SP4: variants seen among roughly 807,000 people sequenced by gnomAD.
SP4 encodes transcription factor Sp4.
Under a neutral mutation model 72.8 loss-of-function variants are expected in SP4, and 19 were observed. The observed-to-expected ratio is 0.26, with a 90% CI of 0.18 to 0.38. SP4 has a LOEUF of 0.38. Among genes scored for constraint, SP4 ranks in the 10% least tolerant of loss-of-function variants. SP4 has a pLI of 1.00. For missense variants in SP4, 1,008 were observed against 926.3 expected (o/e 1.09, Z -1.14); for synonymous variants, 395 against 333.1 (o/e 1.19, Z -2.02).
intron 3 of SP4, among the ~76,000 whole-genome samples, chr7:21,435,863 A>C (rs1169469280): frequency 6.6e-6 from 1 of 150,854 alleles, no homozygotes; most frequent in African/African-American, 2.4e-5. Flanking sequence ...TTTTTTTTTA[A>C]GAAGGACTTC....
chr7:21,440,782 G>A (rs1206064260), intron 3 of SP4, among the ~76,000 whole-genome samples: 2 of 152,096 alleles, frequency 1.3e-5, no homozygotes, highest in Non-Finnish European at 2.9e-5. Context: ...CCTGAAAGTC[G>A]AAGGTTGCAG....
chr7:21,445,061 T>C (rs1404593646), intron 3 of SP4, among the ~76,000 whole-genome samples: 1 of 152,160 alleles, frequency 6.6e-6, no homozygotes, highest in Non-Finnish European at 1.5e-5. Context: ...AGGCTAGTAA[T>C]AACATCTCCC....
chr7:21,495,317 T>C (rs1255870008), intron 5 of SP4, among the ~76,000 whole-genome samples: 1 of 152,094 alleles, frequency 6.6e-6, no homozygotes, highest in Non-Finnish European at 1.5e-5. Flanking sequence ...AGATACAGAC[T>C]GGGAGAAAGT....
intron 3 of SP4, among the ~76,000 whole-genome samples, chr7:21,450,540 A>G (rs1783557006): frequency 1.3e-5 from 2 of 152,314 alleles, no homozygotes; most frequent in Middle Eastern, 3.4e-3. Flanking sequence ...TGGCTTAAAA[A>G]TGGTCCTCCA....
intron 5 of SP4, among the ~76,000 whole-genome samples, chr7:21,490,528 C>T (rs887566284): frequency 2.6e-5 from 4 of 152,162 alleles, no homozygotes; most frequent in Non-Finnish European, 4.4e-5. Context: ...TGGTCCCAGT[C>T]GTGGTGTAAG....
Position 21,457,813 on chromosome 7 carries a change from G to T in SP4, c.1679-19266G>T, listed in dbSNP as rs79353368. 1.5e-3 allele frequency among the ~76,000 whole-genome samples: 223 copies of T among 152,146 alleles called. 2 individuals are homozygous for T. Among genetic ancestry groups the T allele is most frequent in the African/African-American group, 5.1e-3 (210 of 41,486 alleles). On this transcript the variant is annotated intron_variant, in intron 3 of 5. Transcript: ENST00000222584. ...TGCATGTGTGTGTTTGTGTTTAGGA[G>T]TTGGGGTCTTGCTCTGTTGGCCAAG...
At chr7:21,461,277 G>T (rs897321746) in intron 3 of SP4, among the ~76,000 whole-genome samples, 1 of 152,106 alleles carries the variant, frequency 6.6e-6, no homozygotes, top group Non-Finnish European at 1.5e-5. Context: ...CTCAGGCCGT[G>T]CAGGAGCCCA....
chr7:21,454,044 A>G (rs753837829), intron 3 of SP4, among the ~76,000 whole-genome samples: 1 of 152,158 alleles, frequency 6.6e-6, no homozygotes, highest in Non-Finnish European at 1.5e-5. Context: ...TCTTTTTTTC[A>G]GTAGTCTCAA....
At chr7:21,463,140 A>T (rs186051387) in intron 3 of SP4, among the ~76,000 whole-genome samples, 154 of 151,388 alleles carry the variant, frequency 1.0e-3, no homozygotes, top group Non-Finnish European at 1.7e-3. Context: ...ATGAGATTTT[A>T]AAAAGGTGAG....
At chr7:21,482,144 GTACTTTT>G in intron 5 of SP4, 21 bp downstream of exon 5, 29 of 1,574,222 alleles carry the variant, frequency 1.8e-5, no homozygotes, top group Non-Finnish European at 2.5e-5. Context: ...TTTAGGACTT[GTACTTTT>G]TACTTATTTC....
At chr7:21,466,294 A>C (rs1583413525) in intron 3 of SP4, among the ~76,000 whole-genome samples, 1 of 152,202 alleles carries the variant, frequency 6.6e-6, no homozygotes, top group African/African-American at 2.4e-5. Flanking sequence ...TCCACATCCA[A>C]AGTGCTAGGA....
In SP4 at chr7:21,511,568, C is replaced by G. The variant is rs1199185857; in HGVS notation, c.*299C>G. 3.8e-6 allele frequency: 1 copy of G among 263,046 alleles called. No homozygotes were observed. The highest frequency in any genetic ancestry group is 2.2e-5 in the African/African-American group (1 of 45,772). 16.3% of individuals were successfully genotyped at this position (263,046 alleles called of 1,614,324 possible). Reference sequence around the variant, plus strand: ...CCCATCTCTTAATATCATGTGTTAACATGTTTAAAAAGACCTTAGTAGTTT... The same window carrying G: ...CCCATCTCTTAATATCATGTGTTAAGATGTTTAAAAAGACCTTAGTAGTTT... On this transcript the variant is annotated 3_prime_UTR_variant, in exon 6 of 6. Coordinates refer to ENST00000222584, the MANE Select transcript of SP4 (RefSeq NM_003112.5).
At chr7:21,503,127 A>G (rs765777295) in intron 5 of SP4, among the ~76,000 whole-genome samples, 2 of 152,096 alleles carry the variant, frequency 1.3e-5, no homozygotes, top group African/African-American at 2.4e-5. Context: ...CCAAGTCTTA[A>G]TCAGCACCAA....
chr7:21,439,180 C>A (rs1461844060), intron 3 of SP4, among the ~76,000 whole-genome samples: 1 of 152,082 alleles, frequency 6.6e-6, no homozygotes, highest in Admixed American at 6.6e-5. Flanking sequence ...TTAGTGTGAA[C>A]AATGTGATTA....
rs1379279045 is a variant in SP4 at position 21,429,514 on chromosome 7, G to T, written c.349G>T (p.Val117Phe). The T allele has an allele frequency of 1.9e-6, 3 of 1,614,022 alleles. No individual in the cohort carries two copies. The highest frequency in any genetic ancestry group is 2.5e-6 in the Non-Finnish European group (3 of 1,180,022). ...TCCTCCTGCTTCAAAAGAGAATAAC[G>T]TTTCTCAACCAGCCTCTAGTTCGTC... ...STPPASKENN[V>F]SQPASSSSSS... Residue 117 changes from valine to phenylalanine, a missense_variant, in exon 3 of 6, where the codon GTT (valine) becomes TTT (phenylalanine). By Grantham distance (50) the Val-to-Phe change is conservative. Coordinates refer to ENST00000222584, the MANE Select transcript of SP4 (RefSeq NM_003112.5).
At chr7:21,488,440 A>G (rs967064659) in intron 5 of SP4, among the ~76,000 whole-genome samples, 2 of 145,096 alleles carry the variant, frequency 1.4e-5, no homozygotes, top group Non-Finnish European at 3.0e-5. Context: ...GTTTGCAGAC[A>G]TTTGATATAA....
In SP4 at chr7:21,429,270, A is replaced by T; in HGVS notation, c.124-19A>T. On this transcript the variant is annotated intron_variant, in intron 2 of 5. Coordinates refer to ENST00000222584, the MANE Select transcript of SP4 (RefSeq NM_003112.5). ...TTTTTTTCCCCCCCCCCTCTCCTTTACCGTCCCATTTTGGGTAGGACTCTC... is the reference window on the plus strand; with the variant it reads ...TTTTTTTCCCCCCCCCCTCTCCTTTTCCGTCCCATTTTGGGTAGGACTCTC... 9 of 1,091,956 alleles carry T rather than the reference A, an allele frequency of 8.2e-6. No individual in the cohort carries two copies. Among genetic ancestry groups the T allele is most frequent in the African/African-American group, 1.7e-5 (1 of 58,048 alleles). 67.6% of individuals were successfully genotyped at this position (1,091,956 alleles called of 1,614,324 possible).
intron 3 of SP4, among the ~76,000 whole-genome samples, chr7:21,435,517 G>T (rs945676944): frequency 1.2e-4 from 18 of 152,090 alleles, no homozygotes; most frequent in Admixed American, 1.0e-3. Context: ...ATTGGCTTGA[G>T]GTTTAATGCA....
At chr7:21,509,706 A>G (rs963954402) in intron 5 of SP4, among the ~76,000 whole-genome samples, 1 of 152,240 alleles carries the variant, frequency 6.6e-6, no homozygotes, top group Non-Finnish European at 1.5e-5. Context: ...GAGAATGTAA[A>G]GAAAAAGAGA....
Sources: allele counts gnomAD v4.1 joint callset (sites outside exome capture counted in the v4.1 genomes callset), GRCh38; gene constraint gnomAD v4.1.1; transcripts MANE v1.5; gene names NCBI Gene and HGNC (gene_info 2026-07-23, HGNC 2026-07-21).